PTPRN2: variants seen among roughly 807,000 people sequenced by gnomAD.
The protein encoded by PTPRN2 is receptor-type tyrosine-protein phosphatase N2.
A neutral mutation model predicts 118.8 loss-of-function variants in PTPRN2; 74 were observed. The observed-to-expected ratio is 0.62, with a 90% CI of 0.52 to 0.76. The LOEUF is 0.76. PTPRN2 is among the 30% of genes least tolerant of loss of function. The pLI is 0.00. For missense variants in PTPRN2, 1,481 were observed against 1,394.4 expected, an observed-to-expected ratio of 1.06 and a Z score of -0.99; for synonymous variants, 641 against 608.0, an observed-to-expected ratio of 1.05 and a Z score of -0.80.
chr7:158,401,804 T>C (rs1481686475), intron 2 of PTPRN2, among the ~76,000 whole-genome samples: 2 of 152,014 alleles, frequency 1.3e-5, no homozygotes, highest in Non-Finnish European at 2.9e-5. Context: ...ACAGAGGGGC[T>C]CAGGGGACTG....
intron 13 of PTPRN2, among the ~76,000 whole-genome samples, chr7:157,667,897 G>C (rs753741904): frequency 2.6e-5 from 4 of 152,246 alleles, no homozygotes; most frequent in Non-Finnish European, 4.4e-5. Context: ...CTGTGAGTGT[G>C]AGCCCAGTGG....
chr7:158,188,211 CGCCTGATGGGGAAGG>C (rs1563576460), intron 5 of PTPRN2, among the ~76,000 whole-genome samples: 2,045 of 78,594 alleles, frequency 0.026, 247 homozygotes, highest in Non-Finnish European at 0.035. Flanking sequence ...CCACGCTCGC[CGCCTGATGGGGAAGG>C]CCGCCACGCT....
Position 158,379,678 on chromosome 7 carries a change from T to C in PTPRN2, c.164-62746A>G, listed in dbSNP as rs557994433. Among the ~76,000 whole-genome samples, 233 of 152,212 alleles carry C rather than the reference T, an allele frequency of 1.5e-3. 1 individual carries two copies. Among genetic ancestry groups the C allele is most frequent in the African/African-American group, 5.2e-3 (218 of 41,524 alleles). ...CGGGGTTCCTAAGAAACAGCACAGA[T>C]GAAACAGAAAGACTCCAAGAAGGCC... is the stretch of plus-strand genomic sequence containing the variant. On this transcript the variant is annotated intron_variant, in intron 2 of 22. Transcript: ENST00000389418.
intron 12 of PTPRN2, among the ~76,000 whole-genome samples, chr7:157,746,842 C>T (rs142156915): frequency 5.2e-4 from 79 of 151,832 alleles, no homozygotes; most frequent in African/African-American, 1.8e-3. Flanking sequence ...GGCCTGCATC[C>T]CTGAGCTGCG....
chr7:157,830,422 A>C (rs1393891464), intron 12 of PTPRN2, among the ~76,000 whole-genome samples: 1 of 152,196 alleles, frequency 6.6e-6, no homozygotes, highest in Non-Finnish European at 1.5e-5. Context: ...CTCTTTTACC[A>C]AAGCGACTGC....
intron 3 of PTPRN2, among the ~76,000 whole-genome samples, chr7:158,260,860 C>T (rs561406288): frequency 3.0e-4 from 45 of 152,316 alleles, no homozygotes; most frequent in African/African-American, 1.1e-3. Flanking sequence ...CGGGACCCAG[C>T]ATGCCCTGCC....
intron 12 of PTPRN2, among the ~76,000 whole-genome samples, chr7:157,895,045 G>GGC (rs1554484909): frequency 1.0e-5 from 1 of 97,254 alleles, no homozygotes; most frequent in Non-Finnish European, 2.3e-5. Flanking sequence ...CACAAAAGAG[G>GGC]ACCCCTCCCC....
At chr7:158,244,028 C>G (rs1796045444) in intron 3 of PTPRN2, among the ~76,000 whole-genome samples, 1 of 152,194 alleles carries the variant, frequency 6.6e-6, no homozygotes, top group Admixed American at 6.5e-5. Context: ...GTGCTGATCC[C>G]TCCCACCCCG....
chr7:158,453,029 G>A (rs1563311724), intron 2 of PTPRN2, among the ~76,000 whole-genome samples: 1 of 152,256 alleles, frequency 6.6e-6, no homozygotes, highest in Non-Finnish European at 1.5e-5. Context: ...TAACTTGACA[G>A]TGTGAAAACT....
chr7:158,517,270 C>T lies in PTPRN2; in HGVS notation c.113-27485G>A, dbSNP rs564280388. ...CTTCGGGGGTGCAAGCCTGCAAGACCAAACAGCCCACAGCCTTGGAGGAGG... is the reference window on the plus strand; with the variant it reads ...CTTCGGGGGTGCAAGCCTGCAAGACTAAACAGCCCACAGCCTTGGAGGAGG... On this transcript the variant is annotated intron_variant, in intron 1 of 22. Transcript: ENST00000389418. The surrounding 1 kb of genome is among the most constrained non-coding windows in gnomAD (Gnocchi z 5.3). Among the ~76,000 whole-genome samples, 5 of 152,340 alleles carry T rather than the reference C, an allele frequency of 3.3e-5. No individual in the cohort carries two copies. The South Asian group carries it at 6.2e-4, about 19-fold the overall frequency.
At chr7:157,726,065 T>G (rs375992519) in intron 12 of PTPRN2, among the ~76,000 whole-genome samples, 2 of 126,016 alleles carry the variant, frequency 1.6e-5, no homozygotes, top group Admixed American at 8.2e-5. Flanking sequence ...GAACTGGATA[T>G]CCACACGCAG....
chr7:158,541,842 C>A (rs568051020), intron 1 of PTPRN2: 1 of 604,556 alleles, frequency 1.7e-6, no homozygotes, highest in Non-Finnish European at 2.1e-6. Context: ...ACCACGCATG[C>A]GCATCACACC....
intron 11 of PTPRN2, among the ~76,000 whole-genome samples, chr7:157,954,204 G>A (rs1430338784): frequency 5.2e-4 from 35 of 66,892 alleles, no homozygotes; most frequent in African/African-American, 1.7e-3. Flanking sequence ...GTGCTGTGTG[G>A]TGTGTGTAGT....
chr7:157,575,791 T>G (rs1216026071), intron 19 of PTPRN2, among the ~76,000 whole-genome samples: 1 of 152,224 alleles, frequency 6.6e-6, no homozygotes, highest in Non-Finnish European at 1.5e-5. Context: ...TTATTCTCCT[T>G]GTTTGGATAT....
intron 2 of PTPRN2, among the ~76,000 whole-genome samples, chr7:158,487,807 A>T (rs937101664): frequency 6.6e-6 from 1 of 152,158 alleles, no homozygotes; most frequent in African/African-American, 2.4e-5. Flanking sequence ...CGCAAAGCGC[A>T]GTTTTCTAAG....
chr7:158,374,544 C>T (rs1314295625), intron 2 of PTPRN2, among the ~76,000 whole-genome samples: 2 of 152,118 alleles, frequency 1.3e-5, no homozygotes, highest in Middle Eastern at 3.4e-3. Context: ...TATTCATAGG[C>T]GCCAAAAACT....
chr7:158,262,272 A>C (rs1249562051), intron 3 of PTPRN2, among the ~76,000 whole-genome samples: 2 of 152,074 alleles, frequency 1.3e-5, no homozygotes, highest in African/African-American at 4.8e-5. Flanking sequence ...ACTGCAACAC[A>C]TATACACACA....
chr7:158,194,569 C>A (rs1381266138), intron 4 of PTPRN2, among the ~76,000 whole-genome samples: 2 of 152,264 alleles, frequency 1.3e-5, no homozygotes, highest in Non-Finnish European at 2.9e-5. Context: ...TCATGCCCCA[C>A]TGCCAGCACA....
intron 13 of PTPRN2, among the ~76,000 whole-genome samples, chr7:157,667,094 C>T (rs1182149701): frequency 9.3e-6 from 1 of 107,718 alleles, no homozygotes; most frequent in African/African-American, 3.0e-5. Flanking sequence ...CTTGCACGCT[C>T]AGCCTGTGGG....
Sources: gnomAD v4.1 joint callset for allele counts (sites outside exome capture counted in the v4.1 genomes callset) on GRCh38, gnomAD v4.1.1 for gene constraint, Gnocchi (gnomAD v3.1) non-coding constraint, MANE v1.5 for transcripts, NCBI Gene and HGNC (gene_info 2026-07-23, HGNC 2026-07-21) for gene names.